Variants in LOC128462377 observed in about 807,000 individuals in gnomAD.
chr16:89,391,649 A>G, the LOC128462377 span, among the ~76,000 whole-genome samples: 6 of 152,352 alleles, frequency 3.9e-5, no homozygotes, highest in Middle Eastern at 3.4e-3. Context: ...ACACAAAACC[A>G]CAAACTCAGT....
the LOC128462377 span, among the ~76,000 whole-genome samples, chr16:89,404,227 C>T: frequency 1.3e-5 from 2 of 152,098 alleles, no homozygotes; most frequent in African/African-American, 4.8e-5. Context: ...CCAGTTTGGC[C>T]GACTGTAGAA....
At chr16:89,333,869 A>T in the LOC128462377 span, among the ~76,000 whole-genome samples, 1 of 152,172 alleles carries the variant, frequency 6.6e-6, no homozygotes, top group Non-Finnish European at 1.5e-5. Context: ...TTCTGTGAGT[A>T]TGTTCCCAGT....
the LOC128462377 span, among the ~76,000 whole-genome samples, chr16:89,354,243 C>CAAAAAAAAAAAAAAAAAAAAAAAAAAAAA: frequency 7.9e-6 from 1 of 126,240 alleles, no homozygotes. Flanking sequence ...TGCATTCAGC[C>CAAAAAAAAAAAAAAAAAAAAAAAAAAAAA]AAAAAAAAAA....
chr16:89,334,363 G>A, the LOC128462377 span, among the ~76,000 whole-genome samples: 1 of 151,804 alleles, frequency 6.6e-6, no homozygotes, highest in African/African-American at 2.4e-5. Context: ...CCCCAAGACT[G>A]AACAGAAACA....
At chr16:89,385,758 G>A in the LOC128462377 span, among the ~76,000 whole-genome samples, 1 of 152,228 alleles carries the variant, frequency 6.6e-6, no homozygotes, top group Non-Finnish European at 1.5e-5. Context: ...ACGACAGAAG[G>A]CTAACGTGAG....
the LOC128462377 span, among the ~76,000 whole-genome samples, chr16:89,332,380 T>C: frequency 3.9e-3 from 595 of 152,288 alleles, 2 homozygotes; most frequent in African/African-American, 0.014. Context: ...AAAGAAACAC[T>C]GAGCCCCCCA....
chr16:89,368,263 T>G, the LOC128462377 span, among the ~76,000 whole-genome samples: 225 of 151,132 alleles, frequency 1.5e-3, no homozygotes, highest in African/African-American at 5.2e-3. Context: ...TGGCACAATC[T>G]CGGCTCACTG....
the LOC128462377 span, chr16:89,323,100 T>C: frequency 8.5e-5 from 27 of 317,604 alleles, no homozygotes; most frequent in Non-Finnish European, 5.5e-5. Context: ...CTTTTCCAGC[T>C]GAGCCCTGCC....
the LOC128462377 span, among the ~76,000 whole-genome samples, chr16:89,361,108 G>C: frequency 3.9e-5 from 6 of 152,168 alleles, no homozygotes; most frequent in Non-Finnish European, 7.4e-5. Context: ...GTGGAAACCT[G>C]TCAACCCAAT....
At chr16:89,323,077 C>A in the LOC128462377 span, 1 of 308,416 alleles carries the variant, frequency 3.2e-6, no homozygotes, top group Non-Finnish European at 6.4e-6. Context: ...GGATGCTTTA[C>A]GGCAACCCCT....
At chr16:89,403,127 T>C in the LOC128462377 span, among the ~76,000 whole-genome samples, 1 of 152,168 alleles carries the variant, frequency 6.6e-6, no homozygotes, top group African/African-American at 2.4e-5. Flanking sequence ...CAGCGTGACG[T>C]GCCCTCGTGC....
the LOC128462377 span, among the ~76,000 whole-genome samples, chr16:89,363,158 G>A: frequency 6.6e-6 from 1 of 152,062 alleles, no homozygotes; most frequent in Non-Finnish European, 1.5e-5. Flanking sequence ...CTGGGAACAC[G>A]CCTATCCCTG....
the LOC128462377 span, among the ~76,000 whole-genome samples, chr16:89,346,543 GAGTC>G: frequency 6.6e-6 from 1 of 152,230 alleles, no homozygotes; most frequent in Admixed American, 6.5e-5. Context: ...AAAACTGTGA[GAGTC>G]ACCTTCTGAA....
the LOC128462377 span, among the ~76,000 whole-genome samples, chr16:89,403,994 T>G: frequency 6.6e-6 from 1 of 152,058 alleles, no homozygotes; most frequent in African/African-American, 2.4e-5. Context: ...AAAACTAAAA[T>G]AGGGTGAAAG....
chr16:89,342,997 A>C, the LOC128462377 span, among the ~76,000 whole-genome samples: 915 of 152,286 alleles, frequency 6.0e-3, 10 homozygotes, highest in African/African-American at 0.021. Flanking sequence ...CTATGTACTC[A>C]TGTCTGTTTG....
At chr16:89,342,128 T>TC in the LOC128462377 span, among the ~76,000 whole-genome samples, 3 of 151,776 alleles carry the variant, frequency 2.0e-5, no homozygotes, top group African/African-American at 7.3e-5. Flanking sequence ...GGGCACTTGG[T>TC]CCCTTCTCTC....
chr16:89,371,730 A>T, the LOC128462377 span, among the ~76,000 whole-genome samples: 1 of 151,976 alleles, frequency 6.6e-6, no homozygotes, highest in Non-Finnish European at 1.5e-5. Context: ...GTGGAGGGCG[A>T]TGCGGACTCC....
At chr16:89,389,722 G>C in the LOC128462377 span, among the ~76,000 whole-genome samples, 1 of 151,794 alleles carries the variant, frequency 6.6e-6, no homozygotes, top group African/African-American at 2.4e-5. Flanking sequence ...CGAGAGAGAA[G>C]ATCACTGGGG....
At chr16:89,390,499 T>G in the LOC128462377 span, among the ~76,000 whole-genome samples, 1 of 152,174 alleles carries the variant, frequency 6.6e-6, no homozygotes, top group East Asian at 1.9e-4. Flanking sequence ...GAATAAAGCC[T>G]GAACATTTCC....
Sources: gnomAD v4.1 joint callset for allele counts (sites outside exome capture counted in the v4.1 genomes callset) on GRCh38, gnomAD v4.1.1 for gene constraint, MANE v1.5 for transcripts.